OXSR1: variants seen among roughly 807,000 people sequenced by gnomAD.
OXSR1 encodes the protein oxidative stress responsive kinase 1.
A neutral mutation model predicts 79.8 loss-of-function variants in OXSR1; 24 were observed. That is an observed-to-expected ratio of 0.30 (90% CI 0.22 to 0.42). OXSR1 has a LOEUF of 0.42. Among genes scored for constraint, OXSR1 ranks in the 10% least tolerant of loss-of-function variants. The pLI, the probability that OXSR1 is intolerant of heterozygous loss-of-function variation, is 1.00. For missense variants in OXSR1, 430 were observed against 618.4 expected (o/e 0.70, Z 3.23); for synonymous variants, 226 against 209.2 (o/e 1.08, Z -0.69).
At chr3:38,204,176 G>T (rs1702224171) in intron 4 of OXSR1, among the ~76,000 whole-genome samples, 2 of 152,150 alleles carry the variant, frequency 1.3e-5, no homozygotes, top group Non-Finnish European at 2.9e-5. Flanking sequence ...GGGGCCCAAG[G>T]GCTCTTCAGT....
At chr3:38,242,476 T>C (rs1205291365) in intron 11 of OXSR1, among the ~76,000 whole-genome samples, 1 of 152,204 alleles carries the variant, frequency 6.6e-6, no homozygotes, top group Non-Finnish European at 1.5e-5. Flanking sequence ...CCATTATGTA[T>C]GCTTATAAAG....
At chr3:38,173,293 A>T (rs1575305226) in intron 1 of OXSR1, among the ~76,000 whole-genome samples, 1 of 152,228 alleles carries the variant, frequency 6.6e-6, no homozygotes, top group Non-Finnish European at 1.5e-5. Flanking sequence ...AAATAGTCAA[A>T]TAGGGTATTG....
intron 1 of OXSR1, among the ~76,000 whole-genome samples, chr3:38,178,809 T>G (rs1335741126): frequency 1.3e-5 from 2 of 151,570 alleles, no homozygotes; most frequent in Non-Finnish European, 2.9e-5. Context: ...TGTAGCACAT[T>G]AGTATTAGAA....
intron 8 of OXSR1, among the ~76,000 whole-genome samples, 199 bp from the exon 9 acceptor site, chr3:38,229,488 T>G (rs552203060): frequency 6.6e-5 from 10 of 152,098 alleles, no homozygotes; most frequent in Middle Eastern, 3.4e-3. Flanking sequence ...TCAGAATATT[T>G]GTTTTGAGTT....
In OXSR1 at chr3:38,251,397, T is replaced by G. The variant is rs1354860156; in HGVS notation, c.1376-6T>G. ...AAACAGAGCACTGTCTTCTTTGTCC[T>G]TGCAGATACAGCAGAGGGTGTCTCT... On this transcript the variant is annotated splice_polypyrimidine_tract_variant and splice_region_variant and intron_variant, in intron 15 of 17. Coordinates refer to ENST00000311806, the MANE Select transcript of OXSR1 (RefSeq NM_005109.3). 1 of 1,612,478 alleles carries G rather than the reference T, an allele frequency of 6.2e-7. No individual in the cohort carries two copies. The highest frequency in any genetic ancestry group is 1.7e-5 in the Admixed American group (1 of 59,980).
chr3:38,190,988 G>A (rs1701971437), intron 3 of OXSR1, 149 bp downstream of exon 3: 1 of 637,856 alleles, frequency 1.6e-6, no homozygotes, highest in Non-Finnish European at 2.8e-6. Flanking sequence ...GCTAATCTAT[G>A]AGCCAAGACA....
intron 3 of OXSR1, among the ~76,000 whole-genome samples, chr3:38,193,045 A>G (rs1486780675): frequency 3.3e-5 from 5 of 152,210 alleles, no homozygotes; most frequent in Admixed American, 2.0e-4. Flanking sequence ...ATTGTATGTC[A>G]TTGGGAAAAC....
intron 8 of OXSR1, 51 bp from the exon 9 acceptor site, chr3:38,229,636 T>C (rs1285681372): frequency 6.7e-7 from 1 of 1,486,536 alleles, no homozygotes; most frequent in East Asian, 2.3e-5. Context: ...AATCTGACAT[T>C]ACACTTGAAT....
intron 4 of OXSR1, among the ~76,000 whole-genome samples, chr3:38,201,476 T>C (rs1702163062): frequency 6.6e-6 from 1 of 151,904 alleles, no homozygotes; most frequent in African/African-American, 2.4e-5. Context: ...TTTGGGAGGC[T>C]GAGGCGGGCG....
intron 4 of OXSR1, among the ~76,000 whole-genome samples, chr3:38,202,689 CATT>C (rs1178587884): frequency 4.6e-5 from 7 of 152,190 alleles, no homozygotes; most frequent in African/African-American, 1.2e-4. Flanking sequence ...TTATTATAAA[CATT>C]ATTAATCATT....
Position 38,223,890 on chromosome 3 carries a change from TATC to T in OXSR1, c.682_684del (p.His228del). On this transcript the variant is annotated inframe_deletion, in exon 7 of 18. Coordinates refer to ENST00000311806, the MANE Select transcript of OXSR1 (RefSeq NM_005109.3). ...TGAATTGGCTACAGGGGCGGCTCCTTATCATAAATATCCACCAATGAAGGTGAG... is the reference window on the plus strand; with the variant it reads ...TGAATTGGCTACAGGGGCGGCTCCTTATAAATATCCACCAATGAAGGTGAG... The T allele has an allele frequency of 6.2e-7, 1 of 1,600,350 alleles. No individual in the cohort carries two copies. The highest frequency in any genetic ancestry group is 8.5e-7 in the Non-Finnish European group (1 of 1,170,558).
intron 2 of OXSR1, among the ~76,000 whole-genome samples, chr3:38,187,114 TAA>T (rs1293628960): frequency 6.6e-6 from 1 of 152,230 alleles, no homozygotes; most frequent in Non-Finnish European, 1.5e-5. Context: ...AACAACTTTA[TAA>T]AACTTTGAAA....
rs1334869560 is a variant in OXSR1, at chr3:38,183,110, C to T, written c.178C>T (p.Leu60Phe). Residue 60 changes from leucine (L) to phenylalanine (F), a missense_variant, in exon 2 of 18, where the codon CTC becomes TTC. Leu to Phe is a conservative substitution (Grantham distance 22, BLOSUM62 0). Transcript: ENST00000311806. ...LEKCQTSMDELLKEIQAMSQC... is the reference protein window; with the variant it reads ...LEKCQTSMDEFLKEIQAMSQC... ...GAAATGTCAAACTAGCATGGATGAA[C>T]TCCTGGTATGCACATCTTATACTTC... 6.4e-7 allele frequency: 1 copy of T among 1,555,044 alleles called. No homozygotes were observed. The highest frequency in any genetic ancestry group is 8.9e-7 in the Non-Finnish European group (1 of 1,127,774).
chr3:38,194,865 C>T (rs1348061474), intron 3 of OXSR1, among the ~76,000 whole-genome samples: 3 of 152,084 alleles, frequency 2.0e-5, no homozygotes, highest in African/African-American at 7.2e-5. Context: ...AAAACAAAAG[C>T]ACAGTTTTGA....
intron 1 of OXSR1, among the ~76,000 whole-genome samples, chr3:38,173,607 G>A (rs1701624100): frequency 6.6e-6 from 1 of 152,250 alleles, no homozygotes; most frequent in Non-Finnish European, 1.5e-5. Flanking sequence ...TGGATGCTCA[G>A]TGAATGTTAA....
At chr3:38,178,514 C>T (rs1019795712) in intron 1 of OXSR1, among the ~76,000 whole-genome samples, 3 of 150,578 alleles carry the variant, frequency 2.0e-5, no homozygotes, top group African/African-American at 7.3e-5. Flanking sequence ...TCTCGGCTCA[C>T]TACAACCTCT....
intron 14 of OXSR1, 102 bp downstream of exon 14, chr3:38,247,834 T>G: frequency 1.5e-6 from 1 of 671,180 alleles, no homozygotes; most frequent in East Asian, 2.8e-5. Flanking sequence ...TTGTATGTCC[T>G]CCAGCATCAA....
chr3:38,208,265 C>A (rs1427125490), intron 4 of OXSR1, among the ~76,000 whole-genome samples: 1 of 151,968 alleles, frequency 6.6e-6, no homozygotes, highest in Non-Finnish European at 1.5e-5. Context: ...TGATTAGGTA[C>A]AGTTTTAGAT....
chr3:38,166,224 G>A (rs1052505297), intron 1 of OXSR1, among the ~76,000 whole-genome samples: 5 of 152,108 alleles, frequency 3.3e-5, no homozygotes, highest in Admixed American at 6.5e-5. Flanking sequence ...GGACAGGAGC[G>A]GCCCATGTGT....
Sources: gnomAD v4.1 joint callset for allele counts (sites outside exome capture counted in the v4.1 genomes callset) on GRCh38, gnomAD v4.1.1 for gene constraint, MANE v1.5 for transcripts, NCBI Gene and HGNC (gene_info 2026-07-23, HGNC 2026-07-21) for gene names.